The following LRP1B variants were observed in gnomAD, a reference collection of about 807,000 sequenced individuals.
LRP1B encodes low-density lipoprotein receptor-related protein 1B.
LRP1B carries 217 observed loss-of-function variants against 556.6 expected under a neutral mutation model. The observed-to-expected ratio is 0.39, with a 90% CI of 0.35 to 0.44. LRP1B has a LOEUF of 0.44. Ranked by LOEUF, LRP1B falls within the 20% of genes least tolerant of loss-of-function variation. LRP1B has a pLI of 1.00. For synonymous variants in LRP1B, 2,047 were observed against 1,865.8 expected (o/e 1.10, Z -2.50); for missense variants, 5,053 against 5,620.8 (o/e 0.90, Z 3.23).
At chr2:140,257,459 A>G (rs1395385272) in intron 86 of LRP1B, among the ~76,000 whole-genome samples, 1 of 152,184 alleles carries the variant, frequency 6.6e-6, no homozygotes, top group Non-Finnish European at 1.5e-5. Context: ...CTGCTTGATA[A>G]TAGCTGCCCA....
At chr2:141,919,449 A>G (rs920225199) in intron 1 of LRP1B, among the ~76,000 whole-genome samples, 10 of 152,072 alleles carry the variant, frequency 6.6e-5, no homozygotes, top group African/African-American at 2.2e-4. Flanking sequence ...TGGAGAAAAA[A>G]GTTTATACAT....
chr2:140,555,031 C>A (rs2105061191), intron 43 of LRP1B, among the ~76,000 whole-genome samples: 1 of 151,878 alleles, frequency 6.6e-6, no homozygotes, highest in South Asian at 2.1e-4. Context: ...AAACTCATAC[C>A]TTTGATAAAT....
chr2:141,666,709 C>T (rs994774419), intron 2 of LRP1B, among the ~76,000 whole-genome samples: 2 of 152,170 alleles, frequency 1.3e-5, no homozygotes. Flanking sequence ...GTGGAGAGAG[C>T]TCTACTGCCC....
At chr2:140,714,462 G>T (rs1022424761) in intron 37 of LRP1B, among the ~76,000 whole-genome samples, 19 of 152,038 alleles carry the variant, frequency 1.2e-4, no homozygotes, top group African/African-American at 4.6e-4. Flanking sequence ...GTCTACAATG[G>T]ATTTGAATAA....
At chr2:140,587,457 T>G (rs1682031899) in intron 43 of LRP1B, among the ~76,000 whole-genome samples, 1 of 152,174 alleles carries the variant, frequency 6.6e-6, no homozygotes, top group South Asian at 2.1e-4. Context: ...TACATTATGC[T>G]AAATGAAATG....
chr2:141,083,467 G>T (rs755064192), intron 7 of LRP1B, among the ~76,000 whole-genome samples: 1 of 151,798 alleles, frequency 6.6e-6, no homozygotes, highest in Non-Finnish European at 1.5e-5. Flanking sequence ...CCTAAGAGAT[G>T]CAGCATAGCA....
intron 84 of LRP1B, among the ~76,000 whole-genome samples, chr2:140,277,405 G>C (rs1409262347): frequency 6.6e-6 from 1 of 151,842 alleles, no homozygotes; most frequent in East Asian, 2.0e-4. Flanking sequence ...AGCAAATATG[G>C]TGAAACCCCC....
chr2:141,093,805 C>T (rs1052606598), intron 7 of LRP1B, among the ~76,000 whole-genome samples: 3 of 151,992 alleles, frequency 2.0e-5, no homozygotes, highest in Admixed American at 6.5e-5. Flanking sequence ...ACCTCCACCC[C>T]CCGGGTTCAA....
intron 27 of LRP1B, among the ~76,000 whole-genome samples, chr2:140,856,970 A>G (rs1208703601): frequency 1.3e-5 from 2 of 152,174 alleles, no homozygotes; most frequent in African/African-American, 4.8e-5. Flanking sequence ...GCATAACTAC[A>G]ATACTTCATA....
chr2:141,046,647 G>A (rs77657233), intron 11 of LRP1B, among the ~76,000 whole-genome samples: 2,027 of 152,188 alleles, frequency 0.013, 49 homozygotes, highest in African/African-American at 0.046. Flanking sequence ...GTTGTGATAG[G>A]TGGAATGCAA....
chr2:141,331,522 C>T (rs146629152), intron 3 of LRP1B, among the ~76,000 whole-genome samples: 72 of 140,798 alleles, frequency 5.1e-4, no homozygotes, highest in South Asian at 3.1e-3. Flanking sequence ...TTCTTTCTTT[C>T]TCTTTCTTTC....
intron 31 of LRP1B, among the ~76,000 whole-genome samples, chr2:140,829,700 A>C (rs2105072638): frequency 6.6e-6 from 1 of 152,186 alleles, no homozygotes; most frequent in South Asian, 2.1e-4. Flanking sequence ...CATCCCAATG[A>C]GGCACTCAAG....
intron 18 of LRP1B, among the ~76,000 whole-genome samples, chr2:140,955,461 C>T (rs1162098700): frequency 2.0e-5 from 3 of 151,596 alleles, no homozygotes; most frequent in African/African-American, 7.3e-5. Flanking sequence ...AGGACACTTG[C>T]AAGAATTACC....
At chr2:140,741,149 C>G (rs965839683) in intron 35 of LRP1B, among the ~76,000 whole-genome samples, 19 of 152,116 alleles carry the variant, frequency 1.2e-4, no homozygotes, top group African/African-American at 4.6e-4. Flanking sequence ...TTCTTTAAAG[C>G]ACAAGAAAAG....
rs762658289 is a variant in LRP1B at position 140,863,747 on chromosome 2, C to T, written c.4579+3843G>A. On this transcript the variant is annotated intron_variant, in intron 27 of 90. Transcript: ENST00000389484. ...CCCAAGGTTTGTTTCGTTTTTAGTACCACACCCTGCTACTTTTAAATTTCA... is the reference window on the plus strand; with the variant it reads ...CCCAAGGTTTGTTTCGTTTTTAGTATCACACCCTGCTACTTTTAAATTTCA... Among the ~76,000 whole-genome samples the T allele has an allele frequency of 2.0e-4, 31 of 152,172 alleles. 1 individual carries two copies. In the Middle Eastern group the frequency reaches 0.017, roughly 83 times the overall value.
At chr2:141,477,521 T>C (rs1682757917) in intron 3 of LRP1B, among the ~76,000 whole-genome samples, 1 of 152,162 alleles carries the variant, frequency 6.6e-6, no homozygotes, top group African/African-American at 2.4e-5. Context: ...CAATGTACCT[T>C]TGCTTATAGG....
chr2:141,504,836 TTAAG>T (rs1683864138), intron 2 of LRP1B, among the ~76,000 whole-genome samples: 2 of 152,122 alleles, frequency 1.3e-5, no homozygotes, highest in Admixed American at 1.3e-4. Context: ...TAAATTAAAA[TTAAG>T]TAAGTGAAAT....
chr2:141,694,129 C>T lies in LRP1B; in HGVS notation c.205+116150G>A, dbSNP rs540953883. On this transcript the variant is annotated intron_variant, in intron 2 of 90. Coordinates refer to ENST00000389484, the MANE Select transcript of LRP1B (RefSeq NM_018557.3). ...CCATTTCTCTCCCTTTCTCCTCCCT[C>T]CTCCTCTCCCTCTACCTCTACCTCT... Among the ~76,000 whole-genome samples the T allele has an allele frequency of 5.9e-5, 9 of 152,174 alleles. No homozygotes were observed. In the East Asian group the frequency reaches 1.7e-3, roughly 30 times the overall value.
intron 1 of LRP1B, among the ~76,000 whole-genome samples, chr2:141,827,413 T>A (rs1696974295): frequency 6.6e-6 from 1 of 152,204 alleles, no homozygotes; most frequent in Admixed American, 6.5e-5. Flanking sequence ...GAAGTCAAAA[T>A]ACTTCCTCTG....
Sources: allele counts gnomAD v4.1 joint callset (sites outside exome capture counted in the v4.1 genomes callset), GRCh38; gene constraint gnomAD v4.1.1; transcripts MANE v1.5; gene names NCBI Gene and HGNC (gene_info 2026-07-23, HGNC 2026-07-21).